Variants in SLC1A2 observed in about 807,000 individuals in gnomAD.
SLC1A2 encodes the protein solute carrier family 1 member 2, also known as excitatory amino acid transporter 2.
Under a neutral mutation model 48.8 loss-of-function variants are expected in SLC1A2, and 15 were observed. The observed-to-expected ratio is 0.31, with a 90% CI of 0.21 to 0.47. SLC1A2 has a LOEUF of 0.47. Among genes scored for constraint, SLC1A2 ranks in the 20% least tolerant of loss-of-function variants. The probability of loss-of-function intolerance (pLI) is 0.99; values close to 1 mark genes in which losing one functional copy is unlikely to be tolerated. For synonymous variants in SLC1A2, 279 were observed against 272.6 expected (o/e 1.02, Z -0.23); for missense variants, 502 against 730.5 (o/e 0.69, Z 3.61).
intron 1 of SLC1A2, among the ~76,000 whole-genome samples, chr11:35,337,405 A>G (rs911664805): frequency 2.0e-5 from 3 of 152,188 alleles, no homozygotes; most frequent in African/African-American, 7.2e-5. Flanking sequence ...CTTTGTGTAA[A>G]ACAGACATCT....
intron 1 of SLC1A2, among the ~76,000 whole-genome samples, chr11:35,350,235 T>C (rs961112485): frequency 3.3e-5 from 5 of 152,240 alleles, no homozygotes; most frequent in African/African-American, 1.2e-4. Flanking sequence ...TGAGTGAGCT[T>C]CTGCCTTTAA....
chr11:35,263,026 G>A (rs771819326), intron 10 of SLC1A2, among the ~76,000 whole-genome samples: 6 of 152,180 alleles, frequency 3.9e-5, no homozygotes, highest in Non-Finnish European at 7.3e-5. Context: ...TATTTATTGA[G>A]TCCCCTACAA....
chr11:35,312,999 T>G (rs534237925), intron 3 of SLC1A2, among the ~76,000 whole-genome samples: 1 of 152,322 alleles, frequency 6.6e-6, no homozygotes, highest in Admixed American at 6.5e-5. Flanking sequence ...CTGTAACAAA[T>G]TTTTTGTCAG....
At chr11:35,375,072 G>A (rs763897255) in intron 1 of SLC1A2, among the ~76,000 whole-genome samples, 1 of 152,156 alleles carries the variant, frequency 6.6e-6, no homozygotes. Flanking sequence ...CAGTTTTCAA[G>A]AACCTATTTT....
Position 35,286,782 on chromosome 11 carries a change from C to A in SLC1A2, c.1261G>T (p.Asp421Tyr). ...FIAQMNGVVL[D>Y]GGQIVTVSLT... is the part of the protein sequence containing the mutation. ...CTTACAGTCACAATCTGTCCTCCAT[C>A]CAGGACAACACCATTCATTTGGGCT... Residue 421 changes from aspartate to tyrosine, a missense_variant, in exon 8 of 11, where the codon GAT becomes TAT. Physicochemically the swap from Asp to Tyr is radical, Grantham distance 160. This residue lies in a region of SLC1A2 where 309 missense variants were observed against 480.3 expected (regional missense o/e 0.64). Transcript: ENST00000278379. 1 of 1,613,390 alleles carries A rather than the reference C, an allele frequency of 6.2e-7. No individual in the cohort carries two copies. The highest frequency in any genetic ancestry group is 8.5e-7 in the Non-Finnish European group (1 of 1,179,528).
At chr11:35,365,662 C>G (rs991936734) in intron 1 of SLC1A2, among the ~76,000 whole-genome samples, 3 of 152,188 alleles carry the variant, frequency 2.0e-5, no homozygotes, top group Admixed American at 2.0e-4. Context: ...GTTTACCACT[C>G]CTGAACTATT....
intron 2 of SLC1A2, chr11:35,315,637 T>G (rs947235310): frequency 1.3e-5 from 2 of 155,046 alleles, no homozygotes; most frequent in African/African-American, 4.8e-5. Context: ...CTACTAAAAA[T>G]ACAAAAATTT....
In SLC1A2 at chr11:35,256,506, C is replaced by G. The variant is rs1264964034; in HGVS notation, c.*4388G>C. The G allele has an allele frequency of 6.6e-6, 1 of 152,566 alleles. No homozygotes were observed. Among genetic ancestry groups the G allele is most frequent in the East Asian group, 1.9e-4 (1 of 5,194 alleles). 9.5% of individuals were successfully genotyped at this position (152,566 alleles called of 1,614,324 possible). On this transcript the variant is annotated 3_prime_UTR_variant, in exon 11 of 11. Coordinates refer to ENST00000278379, the MANE Select transcript of SLC1A2 (RefSeq NM_004171.4). ...CTAGTGCCACCTGCTTGGATTGGCA[C>G]TCAGTGATCCCTCTAGGCTTAACCA...
At chr11:35,319,396 AG>A (rs1241724825) in intron 1 of SLC1A2, among the ~76,000 whole-genome samples, 1 of 152,206 alleles carries the variant, frequency 6.6e-6, no homozygotes, top group Non-Finnish European at 1.5e-5. Context: ...CAAAGAATGG[AG>A]GTAGTATGCG....
chr11:35,294,030 G>A (rs1235825131), intron 6 of SLC1A2, among the ~76,000 whole-genome samples: 2 of 152,096 alleles, frequency 1.3e-5, no homozygotes, highest in African/African-American at 2.4e-5. Context: ...TCGCATCTCT[G>A]TCAGTACCAT....
chr11:35,408,006 T>C (rs545146662), intron 1 of SLC1A2, among the ~76,000 whole-genome samples: 2 of 152,336 alleles, frequency 1.3e-5, no homozygotes, highest in South Asian at 4.1e-4. Flanking sequence ...TCGCCACAAA[T>C]GCTAAGCCAG....
chr11:35,286,769 A>G lies in SLC1A2; in HGVS notation c.1274T>C (p.Ile425Thr). The G allele has an allele frequency of 6.2e-7, 1 of 1,612,738 alleles. No individual in the cohort carries two copies. ...MNGVVLDGGQ[I>T]VTVSLTATLA... The stretch of plus-strand genomic sequence containing the variant: ...CCACCCTTCTCACCTTACAGTCACA[A>G]TCTGTCCTCCATCCAGGACAACACC... Residue 425 changes from isoleucine to threonine, a missense_variant, in exon 8 of 11, where the codon ATT (isoleucine) becomes ACT (threonine). This residue lies in a region of SLC1A2 where 309 missense variants were observed against 480.3 expected (regional missense o/e 0.64). Transcript: ENST00000278379.
At chr11:35,327,161 G>A (rs541700884) in intron 1 of SLC1A2, among the ~76,000 whole-genome samples, 2 of 152,264 alleles carry the variant, frequency 1.3e-5, no homozygotes, top group East Asian at 3.9e-4. Context: ...TAATCCAGAT[G>A]CTCATTTCAC....
chr11:35,345,632 C>A (rs1260053137), intron 1 of SLC1A2, among the ~76,000 whole-genome samples: 3 of 152,110 alleles, frequency 2.0e-5, no homozygotes, highest in African/African-American at 7.2e-5. Flanking sequence ...CCATGAAATA[C>A]CCACACAGCA....
At chr11:35,385,554 C>T (rs545894098) in intron 1 of SLC1A2, among the ~76,000 whole-genome samples, 7 of 152,232 alleles carry the variant, frequency 4.6e-5, no homozygotes, top group Admixed American at 2.0e-4. Context: ...CACCTTACAG[C>T]GACATGGTTT....
At chr11:35,266,045 C>A (rs972584297) in intron 9 of SLC1A2, among the ~76,000 whole-genome samples, 3 of 152,052 alleles carry the variant, frequency 2.0e-5, no homozygotes, top group South Asian at 2.1e-4. Context: ...TAACCAGTAG[C>A]AAAGGAAAAG....
chr11:35,278,273 GT>G (rs35889672), intron 9 of SLC1A2, among the ~76,000 whole-genome samples: 44,970 of 88,658 alleles, frequency 0.51, 8,226 homozygotes, highest in East Asian at 0.61. Flanking sequence ...GTTTTTTTTT[GT>G]TTTTTTTTTT....
intron 1 of SLC1A2, among the ~76,000 whole-genome samples, chr11:35,361,803 C>A (rs1438296357): frequency 6.6e-6 from 1 of 152,066 alleles, no homozygotes; most frequent in Non-Finnish European, 1.5e-5. Context: ...ATGGCAAAAC[C>A]AAGTCTTCCA....
chr11:35,264,646 G>A (rs1216498035), intron 10 of SLC1A2, among the ~76,000 whole-genome samples: 1 of 152,218 alleles, frequency 6.6e-6, no homozygotes, highest in African/African-American at 2.4e-5. Context: ...GGCACAGCCA[G>A]GCATTGTCTG....
Sources: gnomAD v4.1 joint callset for allele counts (sites outside exome capture counted in the v4.1 genomes callset) on GRCh38, gnomAD v4.1.1 for gene constraint, gnomAD v4.1.1 regional missense constraint, MANE v1.5 for transcripts, NCBI Gene and HGNC (gene_info 2026-07-23, HGNC 2026-07-21) for gene names.